Variants in MITF observed in about 807,000 individuals in gnomAD.
MITF encodes microphthalmia-associated transcription factor.
In MITF, 17 loss-of-function variants were observed where a neutral mutation model predicts 60.5. The ratio of observed to expected loss-of-function variants is 0.28; its 90% CI spans 0.19 to 0.42. MITF has a LOEUF of 0.42. Among genes scored for constraint, MITF ranks in the 10% least tolerant of loss-of-function variants. MITF has a pLI of 1.00. For missense variants in MITF, 622 were observed against 683.5 expected (o/e 0.91, Z 1.00); for synonymous variants, 260 against 248.5 (o/e 1.05, Z -0.43).
chr3:69,865,655 G>A (rs2064099586), intron 1 of MITF, among the ~76,000 whole-genome samples: 1 of 152,212 alleles, frequency 6.6e-6, no homozygotes, highest in South Asian at 2.1e-4. Flanking sequence ...CACCAGAACC[G>A]GGCAAGGACA....
intron 2 of MITF, among the ~76,000 whole-genome samples, chr3:69,903,215 G>C (rs766576821): frequency 6.6e-6 from 1 of 152,142 alleles, no homozygotes; most frequent in Non-Finnish European, 1.5e-5. Flanking sequence ...GACTGCTCTG[G>C]TGAGGTTTTA....
At chr3:69,880,112 A>G (rs1430490489) in intron 2 of MITF, among the ~76,000 whole-genome samples, 1 of 152,230 alleles carries the variant, frequency 6.6e-6, no homozygotes, top group African/African-American at 2.4e-5. Flanking sequence ...ATTCAAGGAA[A>G]GTTAAAAGGA....
At chr3:69,929,953 A>G (rs1478477131) in intron 2 of MITF, among the ~76,000 whole-genome samples, 2 of 152,226 alleles carry the variant, frequency 1.3e-5, no homozygotes, top group East Asian at 1.9e-4. Flanking sequence ...TTGTAGAATG[A>G]GCAACTAGGT....
intron 1 of MITF, among the ~76,000 whole-genome samples, chr3:69,800,678 C>A (rs527552804): frequency 6.6e-6 from 1 of 152,118 alleles, no homozygotes; most frequent in Non-Finnish European, 1.5e-5. Context: ...GTCATTGTGT[C>A]TCTTTTATTC....
chr3:69,952,258 C>T (rs895984816), intron 7 of MITF, among the ~76,000 whole-genome samples: 4 of 151,826 alleles, frequency 2.6e-5, no homozygotes, highest in East Asian at 1.9e-4. Context: ...AGCACCTTCT[C>T]CAATGAGATT....
At chr3:69,903,741 A>G (rs1046410356) in intron 2 of MITF, among the ~76,000 whole-genome samples, 1 of 151,980 alleles carries the variant, frequency 6.6e-6, no homozygotes, top group African/African-American at 2.4e-5. Flanking sequence ...CACAAACCCA[A>G]CTCACTTCTA....
chr3:69,884,736 G>A (rs1391724065), intron 2 of MITF, among the ~76,000 whole-genome samples: 1 of 152,188 alleles, frequency 6.6e-6, no homozygotes, highest in African/African-American at 2.4e-5. Flanking sequence ...ATCACAGTAA[G>A]TGCTTTTGGA....
At chr3:69,874,722 C>T (rs1309775862) in intron 1 of MITF, among the ~76,000 whole-genome samples, 1 of 152,172 alleles carries the variant, frequency 6.6e-6, no homozygotes, top group Non-Finnish European at 1.5e-5. Context: ...GACCAAAGAC[C>T]AGTCCCTATG....
At chr3:69,806,259 A>AT (rs1054620838) in intron 1 of MITF, among the ~76,000 whole-genome samples, 6 of 151,332 alleles carry the variant, frequency 4.0e-5, no homozygotes, top group Non-Finnish European at 7.4e-5. Context: ...TAATTTTTGT[A>AT]TTTTTTTGGT....
chr3:69,894,888 A>G (rs1471773591), intron 2 of MITF, among the ~76,000 whole-genome samples: 5 of 152,168 alleles, frequency 3.3e-5, no homozygotes, highest in African/African-American at 1.2e-4. Flanking sequence ...CTATCTTCAG[A>G]TAAGACCAGA....
chr3:69,841,522 T>C (rs775479988), intron 1 of MITF, among the ~76,000 whole-genome samples: 9 of 152,178 alleles, frequency 5.9e-5, no homozygotes, highest in African/African-American at 1.4e-4. Context: ...GGAATGAAAA[T>C]AGTAATTCAT....
intron 6 of MITF, among the ~76,000 whole-genome samples, chr3:69,950,448 TTATA>T (rs10604038): frequency 0.097 from 12,665 of 130,634 alleles, 689 homozygotes; most frequent in Admixed American, 0.15. Flanking sequence ...AACTTCTGAG[TTATA>T]TATATATATA....
chr3:69,778,044 G>A (rs963230023), intron 1 of MITF, among the ~76,000 whole-genome samples: 2 of 152,058 alleles, frequency 1.3e-5, no homozygotes, highest in Admixed American at 6.5e-5. Context: ...GGGGTCACTC[G>A]GGACTTGCCT....
intron 5 of MITF, 62 bp downstream of exon 5, chr3:69,941,393 T>A (rs1334130604): frequency 3.9e-6 from 4 of 1,022,256 alleles, no homozygotes; most frequent in Non-Finnish European, 6.0e-6. Flanking sequence ...TTTTCTTTTT[T>A]CTTAAACTTT....
chr3:69,917,634 A>G (rs971667514), intron 2 of MITF, among the ~76,000 whole-genome samples: 2 of 152,170 alleles, frequency 1.3e-5, no homozygotes, highest in African/African-American at 2.4e-5. Context: ...TGTAGCTGCA[A>G]GTATTCCCTG....
intron 1 of MITF, among the ~76,000 whole-genome samples, chr3:69,754,389 C>T (rs999895842): frequency 3.3e-5 from 5 of 152,074 alleles, no homozygotes; most frequent in Non-Finnish European, 7.4e-5. Context: ...GTTGGCCAGG[C>T]TGGTCTTGAA....
At chr3:69,795,315 G>A (rs927570723) in intron 1 of MITF, among the ~76,000 whole-genome samples, 5 of 152,114 alleles carry the variant, frequency 3.3e-5, no homozygotes, top group Admixed American at 6.5e-5. Context: ...CTTTTTAAGA[G>A]AGCCTGATAT....
At chr3:69,914,603 A>T (rs1475376145) in intron 2 of MITF, among the ~76,000 whole-genome samples, 1 of 152,182 alleles carries the variant, frequency 6.6e-6, no homozygotes, top group African/African-American at 2.4e-5. Flanking sequence ...AGTTGGCAGT[A>T]GTGACACCTA....
intron 3 of MITF, chr3:69,938,855 A>G (rs546625582): frequency 4.0e-5 from 57 of 1,426,174 alleles, no homozygotes; most frequent in Non-Finnish European, 5.2e-5. Context: ...TAATTTCTAG[A>G]GGGACTAAAA....
Sources: gnomAD v4.1 joint callset for allele counts (sites outside exome capture counted in the v4.1 genomes callset) on GRCh38, gnomAD v4.1.1 for gene constraint, MANE v1.5 for transcripts, NCBI Gene and HGNC (gene_info 2026-07-23, HGNC 2026-07-21) for gene names.